RNF150: variants seen among roughly 807,000 people sequenced by gnomAD.
The protein encoded by RNF150 is ring finger protein 150.
Under a neutral mutation model 39.3 loss-of-function variants are expected in RNF150, and 24 were observed. The observed-to-expected ratio is 0.61, with a 90% CI of 0.44 to 0.86. The LOEUF (loss-of-function observed/expected upper bound fraction) is 0.86, where lower values mean the gene tolerates loss of function less well. Ranked by LOEUF, RNF150 falls within the 40% of genes least tolerant of loss-of-function variation. The pLI, the probability that RNF150 is intolerant of heterozygous loss-of-function variation, is 0.00. For missense variants in RNF150, 502 were observed against 587.8 expected (o/e 0.85, Z 1.51); for synonymous variants, 255 against 227.3 (o/e 1.12, Z -1.10).
At chr4:141,156,799 C>G (rs1727410517) in intron 1 of RNF150, among the ~76,000 whole-genome samples, 1 of 150,040 alleles carries the variant, frequency 6.7e-6, no homozygotes, top group Admixed American at 6.6e-5. Context: ...CTCAGCTACT[C>G]AGGAGGCTGA....
intron 1 of RNF150, among the ~76,000 whole-genome samples, chr4:141,071,679 A>G (rs1578695671): frequency 6.6e-6 from 1 of 152,312 alleles, no homozygotes; most frequent in South Asian, 2.1e-4. Flanking sequence ...TTGAAAGGAC[A>G]TATGTTAAGA....
intron 1 of RNF150, among the ~76,000 whole-genome samples, chr4:141,194,733 C>G (rs1728169909): frequency 6.6e-6 from 1 of 152,118 alleles, no homozygotes; most frequent in East Asian, 1.9e-4. Context: ...TATAAATAGG[C>G]TGGCTTAGAG....
intron 1 of RNF150, among the ~76,000 whole-genome samples, chr4:141,191,618 C>T (rs1424480254): frequency 6.6e-6 from 1 of 152,196 alleles, no homozygotes. Context: ...GATATATATA[C>T]TGCTTCATAA....
chr4:140,928,051 T>C (rs2111326362), intron 4 of RNF150, among the ~76,000 whole-genome samples: 1 of 151,470 alleles, frequency 6.6e-6, no homozygotes, highest in East Asian at 1.9e-4. Flanking sequence ...TTTCATTCAC[T>C]CATCCATTCA....
chr4:140,949,253 A>T (rs770752070), intron 3 of RNF150, 48 bp downstream of exon 3: 2 of 1,456,854 alleles, frequency 1.4e-6, no homozygotes, highest in Non-Finnish European at 1.9e-6. Context: ...AAAAGTTAGA[A>T]GCTTCTTTGA....
chr4:141,057,013 T>G (rs1287538755), intron 1 of RNF150, among the ~76,000 whole-genome samples: 1 of 152,198 alleles, frequency 6.6e-6, no homozygotes, highest in Non-Finnish European at 1.5e-5. Context: ...ACTAGCTGCA[T>G]GTTCTTTGCA....
chr4:141,060,603 A>C (rs1168481857), intron 1 of RNF150, among the ~76,000 whole-genome samples: 1 of 152,208 alleles, frequency 6.6e-6, no homozygotes, highest in Non-Finnish European at 1.5e-5. Flanking sequence ...AAGGTTTTTA[A>C]TTCATTTTTA....
intron 1 of RNF150, among the ~76,000 whole-genome samples, chr4:141,118,949 C>G (rs377411914): frequency 6.6e-5 from 10 of 151,998 alleles, no homozygotes; most frequent in African/African-American, 2.4e-4. Flanking sequence ...TTAGTAGAAA[C>G]AGGGTTTTGC....
chr4:141,187,045 T>C (rs1274081674), intron 1 of RNF150, among the ~76,000 whole-genome samples: 3 of 152,244 alleles, frequency 2.0e-5, no homozygotes, highest in Non-Finnish European at 4.4e-5. Flanking sequence ...GAGCTTCTGG[T>C]ACATTGTGTC....
chr4:141,159,961 T>C (rs1727483003), intron 1 of RNF150, among the ~76,000 whole-genome samples: 2 of 152,152 alleles, frequency 1.3e-5, no homozygotes, highest in African/African-American at 4.8e-5. Flanking sequence ...TCGCAACAAT[T>C]GTGATAATTT....
intron 1 of RNF150, among the ~76,000 whole-genome samples, chr4:141,041,149 G>T (rs182193315): frequency 3.3e-5 from 5 of 152,250 alleles, no homozygotes; most frequent in African/African-American, 4.8e-5. Flanking sequence ...CTGGAATGTG[G>T]TTGCTATCCT....
rs780296538 is a variant in RNF150, at chr4:141,132,832, C to T, written c.-24G>A. 6.3e-7 allele frequency: 1 copy of T among 1,596,772 alleles called. No individual in the cohort carries two copies. The highest frequency in any genetic ancestry group is 1.1e-5 in the South Asian group (1 of 90,290). On this transcript the variant is annotated 5_prime_UTR_variant, in exon 1 of 7. Transcript: ENST00000515673. The surrounding 1 kb of genome is among the most constrained non-coding windows in gnomAD (Gnocchi z 4.9). ...ATCTTTATCCGCCGGGGCCCCCTCC[C>T]CGCCCCCGCGCCCTCCCTCCGTCCC...
At chr4:141,163,297 C>T (rs762938172) in intron 1 of RNF150, among the ~76,000 whole-genome samples, 2 of 152,344 alleles carry the variant, frequency 1.3e-5, no homozygotes, top group Non-Finnish European at 2.9e-5. Context: ...AAGGCAGCAC[C>T]TCCAGTCAAG....
At chr4:141,076,102 C>A (rs1345985671) in intron 1 of RNF150, among the ~76,000 whole-genome samples, 2 of 151,922 alleles carry the variant, frequency 1.3e-5, no homozygotes, top group African/African-American at 4.8e-5. Context: ...ACACTGCAAA[C>A]AGGAACAACT....
chr4:141,148,174 T>G (rs1000310933), intron 1 of RNF150, among the ~76,000 whole-genome samples: 1 of 152,148 alleles, frequency 6.6e-6, no homozygotes, highest in African/African-American at 2.4e-5. Flanking sequence ...CTTTGTCAAA[T>G]ACAGGATGTA....
intron 1 of RNF150, among the ~76,000 whole-genome samples, chr4:141,078,578 T>TC (rs1348450429): frequency 4.0e-5 from 6 of 150,862 alleles, no homozygotes; most frequent in Admixed American, 4.0e-4. Context: ...AGTCAGGAGA[T>TC]AGACCATCCT....
At chr4:140,952,891 G>T (rs184228546) in intron 2 of RNF150, among the ~76,000 whole-genome samples, 12 of 152,288 alleles carry the variant, frequency 7.9e-5, no homozygotes, top group African/African-American at 2.6e-4. Context: ...AGGCGATTTC[G>T]TCACTGTGTG....
intron 1 of RNF150, among the ~76,000 whole-genome samples, chr4:141,168,371 TG>T (rs1727637941): frequency 6.6e-6 from 1 of 152,238 alleles, no homozygotes; most frequent in Admixed American, 6.5e-5. Flanking sequence ...TCAACCATTG[TG>T]GAAGACAATG....
chr4:140,931,317 A>AG (rs1731626994), intron 4 of RNF150, among the ~76,000 whole-genome samples: 1 of 151,696 alleles, frequency 6.6e-6, no homozygotes, highest in African/African-American at 2.4e-5. Flanking sequence ...AGGGCAAAAA[A>AG]GAAAAACTGC....
Sources: gnomAD v4.1 joint callset for allele counts (sites outside exome capture counted in the v4.1 genomes callset) on GRCh38, gnomAD v4.1.1 for gene constraint, Gnocchi (gnomAD v3.1) non-coding constraint, MANE v1.5 for transcripts, NCBI Gene and HGNC (gene_info 2026-07-23, HGNC 2026-07-21) for gene names.